THBS2: variants seen among roughly 807,000 people sequenced by gnomAD.
The protein encoded by THBS2 is thrombospondin-2.
In THBS2, 47 loss-of-function variants were observed where a neutral mutation model predicts 135.2. The observed-to-expected ratio is 0.35, with a 90% CI of 0.28 to 0.44. The LOEUF is 0.44. Ranked by LOEUF, THBS2 falls within the 20% of genes least tolerant of loss-of-function variation. The probability of loss-of-function intolerance (pLI) is 1.00; values close to 1 mark genes in which losing one functional copy is unlikely to be tolerated. For synonymous variants in THBS2, 639 were observed against 633.8 expected, an observed-to-expected ratio of 1.01 and a Z score of -0.12; for missense variants, 1,288 against 1,603.1, an observed-to-expected ratio of 0.80 and a Z score of 3.36.
At chr6:169,242,763 C>T (rs867615114) in intron 4 of THBS2, among the ~76,000 whole-genome samples, 3,044 of 123,254 alleles carry the variant, frequency 0.025, 59 homozygotes, top group Non-Finnish European at 0.039. Context: ...CCCACCTTCC[C>T]ATCTTCCCAT....
intron 10 of THBS2, 80 bp downstream of exon 10, chr6:169,234,654 T>A: frequency 1.5e-6 from 2 of 1,336,194 alleles, no homozygotes; most frequent in Non-Finnish European, 2.0e-6. Flanking sequence ...GTGTTTTTCA[T>A]CTAGTTTCCC....
At chr6:169,233,105 G>C in intron 10 of THBS2, 88 bp from the exon 11 acceptor site, 1 of 1,420,464 alleles carries the variant, frequency 7.0e-7, no homozygotes, top group Non-Finnish European at 9.2e-7. Context: ...AACACTCTGG[G>C]ATGTCTTTGT....
chr6:169,241,629 C>T lies in THBS2; in HGVS notation c.891+133G>A. The T allele has an allele frequency of 2.3e-6, 2 of 884,360 alleles. No homozygotes were observed. Among genetic ancestry groups the T allele is most frequent in the Non-Finnish European group, 1.7e-6 (1 of 586,144 alleles). The allele number at this position is 884,360 out of a possible 1,614,324, so 54.8% of individuals were successfully genotyped here. On this transcript the variant is annotated intron_variant, in intron 5 of 21. Coordinates refer to ENST00000617924, the MANE Select transcript of THBS2 (RefSeq NM_003247.5). This position sits in a 1 kb window ranked among gnomAD's most constrained non-coding sequence, Gnocchi z 5.5. ...TCCTGAGGAGCCCGGCAGACACCTC[C>T]CCTGTGAACTGTGGGTTTTTACATC... is the stretch of plus-strand genomic sequence containing the variant.
At chr6:169,228,045 C>T in intron 15 of THBS2, 77 bp downstream of exon 15, 10 of 1,502,386 alleles carry the variant, frequency 6.7e-6, no homozygotes, top group Non-Finnish European at 5.3e-6. Flanking sequence ...GGTGCTACTG[C>T]CCTGGGCAAC....
At chr6:169,219,799 TG>T (rs933201192) in intron 21 of THBS2, 2 of 524,108 alleles carry the variant, frequency 3.8e-6, no homozygotes, top group African/African-American at 3.9e-5. Context: ...CAAATATACC[TG>T]TAGCGAGATA....
intron 9 of THBS2, among the ~76,000 whole-genome samples, chr6:169,235,750 CACTCACTGCCCATACA>C (rs1481288992): frequency 6.7e-6 from 1 of 150,272 alleles, no homozygotes; most frequent in African/African-American, 2.5e-5. Flanking sequence ...TGCCCATCCA[CACTCACTGCCCATACA>C]ACTCACTCCC....
chr6:169,229,776 G>C, intron 13 of THBS2, 97 bp from the exon 14 acceptor site: 1 of 947,398 alleles, frequency 1.1e-6, no homozygotes, highest in Non-Finnish European at 1.7e-6. Context: ...GCCGAGGAAG[G>C]AAGCGTGCCC....
chr6:169,225,206 G>T lies in THBS2; in HGVS notation c.2712C>A (p.Gly904=). 1.2e-6 allele frequency: 2 copies of T among 1,614,166 alleles called. No individual in the cohort carries two copies. The highest frequency in any genetic ancestry group is 1.7e-6 in the Non-Finnish European group (2 of 1,180,026). ...GGCAGTTGTCCCTGTCATCGGGGAC[G>T]CCATCGTTGTCATCATCAGGGTCAC... The part of the protein sequence containing the change: ...DACDPDDDND[G]VPDDRDNCRL... Residue 904 remains glycine (G), a synonymous_variant, in exon 17 of 22, where the codon GGC becomes GGA. Transcript: ENST00000617924.
chr6:169,223,779 A>C (rs930591153), intron 17 of THBS2, among the ~76,000 whole-genome samples: 5 of 152,106 alleles, frequency 3.3e-5, no homozygotes, highest in South Asian at 2.1e-4. Context: ...CAGGTATAAA[A>C]CCTGAATGGC....
intron 6 of THBS2, among the ~76,000 whole-genome samples, chr6:169,239,907 A>C (rs1200225899): frequency 1.3e-5 from 2 of 152,212 alleles, no homozygotes; most frequent in Non-Finnish European, 2.9e-5. Context: ...CTTTGCATCC[A>C]TTCCATTCCT....
intron 10 of THBS2, 199 bp downstream of exon 10, chr6:169,234,535 G>A (rs550357394): frequency 4.5e-5 from 26 of 577,208 alleles, no homozygotes; most frequent in East Asian, 6.7e-5. Context: ...CACAGGCCAC[G>A]CCACCTGGCA....
At chr6:169,236,490 T>TCTCC (rs1265088217) in intron 9 of THBS2, among the ~76,000 whole-genome samples, 1 of 29,998 alleles carries the variant, frequency 3.3e-5, no homozygotes. Context: ...CCACACTCAC[T>TCTCC]CTCCACATTC....
At chr6:169,239,191 TTTTG>T (rs1226704199) in intron 7 of THBS2, 7 of 179,216 alleles carry the variant, frequency 3.9e-5, no homozygotes. Context: ...AGTCTTTGGT[TTTTG>T]TTTGTCTGAT....
intron 8 of THBS2, 133 bp from the exon 9 acceptor site, chr6:169,237,479 G>T: frequency 1.3e-6 from 2 of 1,489,486 alleles, no homozygotes; most frequent in Non-Finnish European, 1.8e-6. Context: ...CCCATCAGCT[G>T]GGAGAAAGAG....
At chr6:169,247,093 A>G (rs1031519319) in intron 3 of THBS2, among the ~76,000 whole-genome samples, 1 of 152,200 alleles carries the variant, frequency 6.6e-6, no homozygotes, top group African/African-American at 2.4e-5. Flanking sequence ...TGTGATCAAA[A>G]AAGTCTGGGA....
In THBS2 at chr6:169,227,910, C is replaced by A. The variant is rs552663357; in HGVS notation, c.2419+212G>T. Among the ~76,000 whole-genome samples, 11 of 152,158 alleles carry A rather than the reference C, an allele frequency of 7.2e-5. No individual in the cohort carries two copies. In the South Asian group the frequency reaches 2.3e-3, roughly 32 times the overall value. ...CAGCCTGGCCAACATGGTGAAACCT[C>A]GTCTCTACTTAAAATACAAAATTAG... On this transcript the variant is annotated intron_variant, in intron 15 of 21. Coordinates refer to ENST00000617924, the MANE Select transcript of THBS2 (RefSeq NM_003247.5).
Position 169,241,826 on chromosome 6 carries a change from A to G in THBS2, c.827T>C (p.Met276Thr), listed in dbSNP as rs770150134. 1.9e-6 allele frequency: 3 copies of G among 1,612,756 alleles called. No homozygotes were observed. Residue 276 changes from methionine to threonine, a missense_variant, in exon 5 of 22, where the codon ATG (methionine) becomes ACG (threonine). This residue lies in a region of THBS2 where 414 missense variants were observed against 447.0 expected (regional missense o/e 0.93). Transcript: ENST00000617924. The surrounding 1 kb of genome is among the most constrained non-coding windows in gnomAD (Gnocchi z 5.5). ...CERSCEELGN[M>T]VQELSGLHVL... ...GTGGAGCCCCGAGAGCTCCTGGACC[A>G]TGTTTCCCAGCTCCTCGCACGAGCG...
intron 7 of THBS2, among the ~76,000 whole-genome samples, chr6:169,239,012 C>A (rs1780201535): frequency 6.6e-6 from 1 of 152,066 alleles, no homozygotes; most frequent in Non-Finnish European, 1.5e-5. Context: ...GGGTGGGAGG[C>A]AGCACAGAGA....
chr6:169,216,193 A>AAAC lies in THBS2; in HGVS notation c.*1626_*1628dup, dbSNP rs1779165017. ...ACAACACAACGATCAACCTCAAAGG[A>AAAC]AACAACAAAATTAATTTTATCAAAA... On this transcript the variant is annotated 3_prime_UTR_variant, in exon 22 of 22. Coordinates refer to ENST00000617924, the MANE Select transcript of THBS2 (RefSeq NM_003247.5). 1 of 152,218 alleles carries AAAC rather than the reference A, an allele frequency of 6.6e-6. No homozygotes were observed. Among genetic ancestry groups the AAAC allele is most frequent in the African/African-American group, 2.4e-5 (1 of 41,460 alleles). 9.4% of individuals were successfully genotyped at this position (152,218 alleles called of 1,614,324 possible).
Sources: allele counts gnomAD v4.1 joint callset (sites outside exome capture counted in the v4.1 genomes callset), GRCh38; gene constraint gnomAD v4.1.1; regional missense constraint gnomAD v4.1.1; non-coding constraint Gnocchi (gnomAD v3.1); transcripts MANE v1.5; gene names NCBI Gene and HGNC (gene_info 2026-07-23, HGNC 2026-07-21).